The following BARHL1 variants were observed in gnomAD, a reference collection of about 807,000 sequenced individuals.
BARHL1 encodes the protein barH-like 1 homeobox protein.
BARHL1 carries 2 observed loss-of-function variants against 20.1 expected under a neutral mutation model. The observed-to-expected ratio is 0.10, with a 90% CI of 0.04 to 0.31. The LOEUF is 0.31. Ranked by LOEUF, BARHL1 falls within the 10% of genes least tolerant of loss-of-function variation. BARHL1 has a pLI of 1.00. For missense variants in BARHL1, 397 were observed against 454.0 expected, an observed-to-expected ratio of 0.87 and a Z score of 1.14; for synonymous variants, 213 against 209.9, an observed-to-expected ratio of 1.01 and a Z score of -0.13.
In BARHL1 at chr9:132,589,527, C is replaced by A. The variant is rs1830183996; in HGVS notation, c.*5C>A. On this transcript the variant is annotated 3_prime_UTR_variant, in exon 3 of 3. Coordinates refer to ENST00000263610, the MANE Select transcript of BARHL1 (RefSeq NM_020064.4). The stretch of plus-strand genomic sequence containing the variant: ...CGCGCCGCGCAGCCTCGGTGAGGCG[C>A]CCGTCGGCTCCGGGGCCTCCTCCCG... The A allele has an allele frequency of 7.6e-7, 1 of 1,310,166 alleles. No homozygotes were observed. The highest frequency in any genetic ancestry group is 4.2e-5 in the Admixed American group (1 of 23,738). 81.2% of individuals were successfully genotyped at this position (1,310,166 alleles called of 1,614,324 possible).
chr9:132,585,401 A>G (rs1830130785), intron 1 of BARHL1, among the ~76,000 whole-genome samples: 1 of 152,192 alleles, frequency 6.6e-6, no homozygotes, highest in African/African-American at 2.4e-5. Flanking sequence ...ATTTCCTCCA[A>G]GGAGGGCATG....
rs1367058265 is a variant in BARHL1, at chr9:132,587,222, G to C, written c.467-107G>C. 4.4e-6 allele frequency: 5 copies of C among 1,124,670 alleles called. No individual in the cohort carries two copies. The East Asian group carries it at 1.0e-4, about 23-fold the overall frequency. The allele number at this position is 1,124,670 out of a possible 1,614,324, so 69.7% of individuals were successfully genotyped here. A position where few individuals can be genotyped will look rare whatever the true frequency, so the allele number is the denominator to read the frequency against. ...GGCCCCCGCGAGCTTGGGTGTCGCG[G>C]AACCACCGCTGTCGGAAGCCGAGGT... On this transcript the variant is annotated intron_variant, in intron 1 of 2. Coordinates refer to ENST00000263610, the MANE Select transcript of BARHL1 (RefSeq NM_020064.4). The surrounding 1 kb of genome is among the most constrained non-coding windows in gnomAD (Gnocchi z 5.5).
At chr9:132,585,525 A>G (rs1425706159) in intron 1 of BARHL1, among the ~76,000 whole-genome samples, 3 of 152,232 alleles carry the variant, frequency 2.0e-5, no homozygotes, top group Non-Finnish European at 4.4e-5. Context: ...GGTCGGCGAC[A>G]CTAGCGGCTG....
Position 132,589,356 on chromosome 9 carries a change from C to T in BARHL1, c.818C>T (p.Pro273Leu), listed in dbSNP as rs985247553. Reference protein sequence around the residue: ...YPQSLVSNLDPGAALYLYRGP... With the variant: ...YPQSLVSNLDLGAALYLYRGP... ...CAGAGTCTGGTTTCCAACCTGGACCCCGGCGCGGCGCTCTACCTGTACCGC... is the reference window on the plus strand; with the variant it reads ...CAGAGTCTGGTTTCCAACCTGGACCTCGGCGCGGCGCTCTACCTGTACCGC... The change falls in exon 3 of 3, where the codon CCC becomes CTC. Residue 273 changes from proline (P) to leucine (L), a missense_variant. By Grantham distance (98) the Pro-to-Leu change is moderately conservative (BLOSUM62 -3). Around this residue, in one of 3 missense-constraint regions of BARHL1, gnomAD observed 121 missense variants for 135.9 expected, o/e 0.89. Coordinates refer to ENST00000263610, the MANE Select transcript of BARHL1 (RefSeq NM_020064.4). 6.2e-7 allele frequency: 1 copy of T among 1,613,262 alleles called. No individual in the cohort carries two copies. Among genetic ancestry groups the T allele is most frequent in the African/African-American group, 1.3e-5 (1 of 74,950 alleles).
rs1830190695 is a variant in BARHL1 at position 132,589,879 on chromosome 9, G to A, written c.*357G>A. On this transcript the variant is annotated 3_prime_UTR_variant, in exon 3 of 3. Coordinates refer to ENST00000263610, the MANE Select transcript of BARHL1 (RefSeq NM_020064.4). Reference sequence around the variant, plus strand: ...CGGGTGCGGCTGATTCCCAGGCTTCGCTCTCTCCCACGCCCCTTCTACGCT... The same window carrying A: ...CGGGTGCGGCTGATTCCCAGGCTTCACTCTCTCCCACGCCCCTTCTACGCT... 4.9e-6 allele frequency: 1 copy of A among 203,510 alleles called. No homozygotes were observed. Among genetic ancestry groups the A allele is most frequent in the South Asian group, 1.9e-4 (1 of 5,298 alleles). The allele number at this position is 203,510 out of a possible 1,614,324, so 12.6% of individuals were successfully genotyped here.
At chr9:132,585,065 AC>A (rs1830123812) in intron 1 of BARHL1, among the ~76,000 whole-genome samples, 1 of 152,146 alleles carries the variant, frequency 6.6e-6, no homozygotes, top group Non-Finnish European at 1.5e-5. Flanking sequence ...GATTTTGAGG[AC>A]AGGTTTCGTT....
At chr9:132,584,819 G>A (rs1830120661) in intron 1 of BARHL1, among the ~76,000 whole-genome samples, 1 of 152,230 alleles carries the variant, frequency 6.6e-6, no homozygotes, top group Admixed American at 6.5e-5. Context: ...CCTGCTTAGA[G>A]AGGCAAAGAA....
rs1333330440 is a variant in BARHL1, at chr9:132,582,660, G to C, written c.-138G>C. ...GCCCAGAGCTCCCGGGCTCCCCCAA[G>C]GCTGAACTCCGTCCAAGGTGCCCGC... On this transcript the variant is annotated 5_prime_UTR_variant, in exon 1 of 3. Transcript: ENST00000263610. 1 of 771,240 alleles carries C rather than the reference G, an allele frequency of 1.3e-6. No individual in the cohort carries two copies. Among genetic ancestry groups the C allele is most frequent in the Non-Finnish European group, 2.1e-6 (1 of 485,862 alleles). 47.8% of individuals were successfully genotyped at this position (771,240 alleles called of 1,614,324 possible).
intron 1 of BARHL1, among the ~76,000 whole-genome samples, chr9:132,585,188 TAGA>T (rs1830125309): frequency 6.6e-6 from 1 of 151,784 alleles, no homozygotes; most frequent in South Asian, 2.1e-4. Flanking sequence ...GCGAAGGGGG[TAGA>T]AGGTCTTGCC....
At position 132,587,576 on chromosome 9, in the gene BARHL1, G is replaced by A. The variant is rs1332893528; in HGVS notation, c.689+25G>A. The A allele has an allele frequency of 2.5e-6, 4 of 1,580,686 alleles. No homozygotes were observed. The highest frequency in any genetic ancestry group is 3.4e-6 in the Non-Finnish European group (4 of 1,161,784). ...GGTGAGGCCTGGCTGCGGGGGTAGA[G>A]GCAGAAAGGGAACTTCCCCTTTCCT... On this transcript the variant is annotated intron_variant, in intron 2 of 2. Transcript: ENST00000263610. This position sits in a 1 kb window ranked among gnomAD's most constrained non-coding sequence, Gnocchi z 5.5.
In BARHL1 at chr9:132,587,251, A is replaced by G; in HGVS notation, c.467-78A>G. ...CACCGCTGTCGGAAGCCGAGGTTAC[A>G]CAAACGCCACGGGCAGGAGCGGGAG... On this transcript the variant is annotated intron_variant, in intron 1 of 2. Coordinates refer to ENST00000263610, the MANE Select transcript of BARHL1 (RefSeq NM_020064.4). This position sits in a 1 kb window ranked among gnomAD's most constrained non-coding sequence, Gnocchi z 5.5. 1 of 1,364,764 alleles carries G rather than the reference A, an allele frequency of 7.3e-7. No homozygotes were observed. 84.5% of individuals were successfully genotyped at this position (1,364,764 alleles called of 1,614,324 possible). A position where few individuals can be genotyped will look rare whatever the true frequency, so the allele number is the denominator to read the frequency against.
chr9:132,587,320 T>G lies in BARHL1; in HGVS notation c.467-9T>G, dbSNP rs779291592. 3.1e-6 allele frequency: 5 copies of G among 1,592,618 alleles called. No homozygotes were observed. The Admixed American group carries it at 8.7e-5, about 28-fold the overall frequency. ...GAGGCCGGGCCCTGACATGCCGCTG[T>G]GTCCGCAGTGAAGGAGGAGGGCGAC... On this transcript the variant is annotated splice_polypyrimidine_tract_variant and intron_variant, in intron 1 of 2. Transcript: ENST00000263610. The surrounding 1 kb of genome is among the most constrained non-coding windows in gnomAD (Gnocchi z 5.5).
chr9:132,585,167 A>G (rs1484775734), intron 1 of BARHL1, among the ~76,000 whole-genome samples: 1 of 152,144 alleles, frequency 6.6e-6, no homozygotes, highest in African/African-American at 2.4e-5. Flanking sequence ...TATCGCTTAA[A>G]TAGGTTTGGA....
At chr9:132,585,915 G>A (rs548364742) in intron 1 of BARHL1, among the ~76,000 whole-genome samples, 1 of 152,244 alleles carries the variant, frequency 6.6e-6, no homozygotes, top group Non-Finnish European at 1.5e-5. Flanking sequence ...TTGAGATTTG[G>A]ATGATCGTTT....
chr9:132,589,031 G>T (rs900382627), intron 2 of BARHL1, among the ~76,000 whole-genome samples, 197 bp from the exon 3 acceptor site: 3 of 152,196 alleles, frequency 2.0e-5, no homozygotes, highest in Non-Finnish European at 2.9e-5. Context: ...TAAGAGCCAC[G>T]GAAGGCCGGT....
chr9:132,585,575 C>T (rs1260290226), intron 1 of BARHL1, among the ~76,000 whole-genome samples: 1 of 152,174 alleles, frequency 6.6e-6, no homozygotes, highest in Non-Finnish European at 1.5e-5. Context: ...GAGTTTTGTT[C>T]CCAGCAGGCA....
Position 132,587,534 on chromosome 9 carries a change from C to T in BARHL1, c.672C>T (p.Thr224=). Residue 224 remains threonine, a synonymous_variant, in exon 2 of 3, where the codon ACC becomes ACT. Transcript: ENST00000263610. This position sits in a 1 kb window ranked among gnomAD's most constrained non-coding sequence, Gnocchi z 5.5. The part of the protein sequence containing the change: ...SLNLTDTQVK[T]WYQNRRTKWK... ...ACCTCACCGACACGCAGGTCAAGAC[C>T]TGGTACCAGAACCGCAGGTGAGGCC... 6.2e-7 allele frequency: 1 copy of T among 1,611,658 alleles called. No homozygotes were observed. The highest frequency in any genetic ancestry group is 8.5e-7 in the Non-Finnish European group (1 of 1,179,072).
At chr9:132,589,191 C>A (rs1830179519) in intron 2 of BARHL1, 37 bp from the exon 3 acceptor site, 1 of 1,581,484 alleles carries the variant, frequency 6.3e-7, no homozygotes, top group Non-Finnish European at 8.6e-7. Flanking sequence ...GATGCCCTAG[C>A]CCTGATCCCG....
In BARHL1 at chr9:132,587,669, T is replaced by A. The variant is rs1564261254; in HGVS notation, c.689+118T>A. The A allele has an allele frequency of 2.0e-6, 2 of 1,003,792 alleles. No homozygotes were observed. Among genetic ancestry groups the A allele is most frequent in the Middle Eastern group, 3.2e-4 (1 of 3,082 alleles). The allele number at this position is 1,003,792 out of a possible 1,614,324, so 62.2% of individuals were successfully genotyped here. On this transcript the variant is annotated intron_variant, in intron 2 of 2. Coordinates refer to ENST00000263610, the MANE Select transcript of BARHL1 (RefSeq NM_020064.4). The surrounding 1 kb of genome is among the most constrained non-coding windows in gnomAD (Gnocchi z 5.5). ...AGGGAGGGCCCCAGAGCCTCCCCCA[T>A]TCTGTAAAAGTGGGAAACTGAGTCC...
Sources: gnomAD v4.1 joint callset for allele counts (sites outside exome capture counted in the v4.1 genomes callset) on GRCh38, gnomAD v4.1.1 for gene constraint, gnomAD v4.1.1 regional missense constraint, Gnocchi (gnomAD v3.1) non-coding constraint, MANE v1.5 for transcripts, NCBI Gene and HGNC (gene_info 2026-07-23, HGNC 2026-07-21) for gene names.